NEBL: variants seen among roughly 807,000 people sequenced by gnomAD.
NEBL encodes nebulette.
NEBL carries 122 observed loss-of-function variants against 140.2 expected under a neutral mutation model. That is an observed-to-expected ratio of 0.87 (90% CI 0.75 to 1.01). The LOEUF (loss-of-function observed/expected upper bound fraction) is 1.01, where lower values mean the gene tolerates loss of function less well. NEBL is among the 50% of genes least tolerant of loss of function. The pLI, the probability that NEBL is intolerant of heterozygous loss-of-function variation, is 0.00. For missense variants in NEBL, 1,365 were observed against 1,231.3 expected (o/e 1.11, Z -1.62); for synonymous variants, 436 against 398.9 (o/e 1.09, Z -1.11).
At chr10:21,250,021 G>T (rs908746185) in intron 2 of NEBL, among the ~76,000 whole-genome samples, 1 of 152,158 alleles carries the variant, frequency 6.6e-6, no homozygotes, top group East Asian at 1.9e-4. Context: ...CCAAGATCAC[G>T]CCAGTGCACT....
At chr10:20,858,426 T>C in intron 8 of NEBL, 82 bp from the exon 9 acceptor site, 4 of 1,183,936 alleles carry the variant, frequency 3.4e-6, no homozygotes, top group Non-Finnish European at 4.9e-6. Flanking sequence ...TCATACATCA[T>C]AAAGTAGGAC....
intron 18 of NEBL, among the ~76,000 whole-genome samples, chr10:20,825,663 C>CAA (rs57427509): frequency 6.9e-5 from 9 of 130,188 alleles, no homozygotes; most frequent in East Asian, 2.3e-4. Context: ...GACTCTGTCT[C>CAA]AAAAAAAAAA....
At chr10:21,271,201 C>A (rs559811880) in intron 1 of NEBL, among the ~76,000 whole-genome samples, 14 of 152,246 alleles carry the variant, frequency 9.2e-5, no homozygotes, top group African/African-American at 3.4e-4. Flanking sequence ...CCATTTGCAA[C>A]AACATGAATG....
intron 3 of NEBL, among the ~76,000 whole-genome samples, chr10:21,000,153 A>AGGCAGAGGGG (rs1564475593): frequency 2.3e-5 from 3 of 131,602 alleles, no homozygotes; most frequent in Admixed American, 9.1e-5. Context: ...GGAAAAAGCC[A>AGGCAGAGGGG]GGCAGAGGGG....
At chr10:21,243,209 T>C (rs539621174) in intron 3 of NEBL, among the ~76,000 whole-genome samples, 1 of 151,952 alleles carries the variant, frequency 6.6e-6, no homozygotes, top group Non-Finnish European at 1.5e-5. Flanking sequence ...ATTCAAGATA[T>C]CTAGACCTTT....
At chr10:20,969,350 T>C (rs1836464237) in intron 3 of NEBL, among the ~76,000 whole-genome samples, 1 of 151,946 alleles carries the variant, frequency 6.6e-6, no homozygotes, top group Admixed American at 6.6e-5. Context: ...TCCATAGATT[T>C]CTAAGCTTTC....
chr10:20,889,924 T>C lies in NEBL; in HGVS notation c.179A>G (p.Lys60Arg). 6.2e-7 allele frequency: 1 copy of C among 1,606,912 alleles called. No homozygotes were observed. Among genetic ancestry groups the C allele is most frequent in the South Asian group, 1.1e-5 (1 of 89,982 alleles). ...CACAAATGTACACTTATCCTTGGACTTTTTAAACTCTTCTTTATAACGGAT... is the reference window on the plus strand; with the variant it reads ...CACAAATGTACACTTATCCTTGGACCTTTTAAACTCTTCTTTATAACGGAT... ...SDIRYKEEFK[K>R]SKDKCTFVTD... The change falls in exon 3 of 28, where the codon AAG becomes AGG. Residue 60 changes from lysine to arginine, a missense_variant. Transcript: ENST00000377122.
chr10:21,028,235 C>CAAA (rs1168946872), intron 2 of NEBL, among the ~76,000 whole-genome samples: 117 of 65,932 alleles, frequency 1.8e-3, no homozygotes, highest in Middle Eastern at 0.01. Flanking sequence ...TCAAACATCT[C>CAAA]AAAAAAAAAA....
intron 2 of NEBL, among the ~76,000 whole-genome samples, chr10:21,106,925 G>A (rs188062174): frequency 3.7e-4 from 57 of 152,076 alleles, no homozygotes; most frequent in Non-Finnish European, 5.9e-4. Flanking sequence ...TAAATTCCTC[G>A]GTGTTTTATT....
intron 3 of NEBL, among the ~76,000 whole-genome samples, chr10:21,221,658 C>A (rs759535445): frequency 2.0e-5 from 3 of 152,092 alleles, no homozygotes; most frequent in African/African-American, 4.8e-5. Context: ...GCACATGCCA[C>A]CACACCCAGC....
intron 3 of NEBL, among the ~76,000 whole-genome samples, chr10:21,000,642 A>C (rs549798599): frequency 2.8e-4 from 43 of 152,298 alleles, no homozygotes; most frequent in African/African-American, 9.9e-4. Context: ...GAAACTCTGA[A>C]CATTTTGAGA....
chr10:20,827,443 G>A (rs1289980149), intron 17 of NEBL, among the ~76,000 whole-genome samples: 1 of 152,170 alleles, frequency 6.6e-6, no homozygotes. Flanking sequence ...CAACTAATTA[G>A]GAGGTAGGAA....
At chr10:21,172,966 C>G (rs982590940) in intron 1 of NEBL, among the ~76,000 whole-genome samples, 1 of 152,202 alleles carries the variant, frequency 6.6e-6, no homozygotes. Context: ...AATGCTGGAC[C>G]TCGGACTCTG....
At chr10:20,989,760 C>G (rs1837388738) in intron 3 of NEBL, among the ~76,000 whole-genome samples, 1 of 152,170 alleles carries the variant, frequency 6.6e-6, no homozygotes, top group Non-Finnish European at 1.5e-5. Flanking sequence ...TGGAGGATCA[C>G]ATGCTCAATG....
At chr10:21,138,484 T>A (rs1275607636) in intron 2 of NEBL, among the ~76,000 whole-genome samples, 1 of 152,098 alleles carries the variant, frequency 6.6e-6, no homozygotes, top group Non-Finnish European at 1.5e-5. Flanking sequence ...AATGCACAGC[T>A]ATTAGAGAAA....
At chr10:21,004,677 A>G (rs141374990) in intron 3 of NEBL, among the ~76,000 whole-genome samples, 2,758 of 151,896 alleles carry the variant, frequency 0.018, 75 homozygotes, top group African/African-American at 0.062. Context: ...TCGAGATTGC[A>G]CCACTGCACT....
intron 2 of NEBL, among the ~76,000 whole-genome samples, chr10:21,171,279 G>A (rs1841061464): frequency 6.7e-6 from 1 of 148,664 alleles, no homozygotes. Context: ...TGGTTGCAGT[G>A]AGCCAAGATC....
chr10:21,172,295 G>A (rs1841110803), intron 2 of NEBL: 3 of 1,012,050 alleles, frequency 3.0e-6, no homozygotes, highest in Admixed American at 3.6e-5. Flanking sequence ...GGGTGACACA[G>A]TGAGTCAGTT....
intron 2 of NEBL, among the ~76,000 whole-genome samples, chr10:21,063,192 C>A (rs1031360041): frequency 1.3e-5 from 2 of 152,140 alleles, no homozygotes; most frequent in South Asian, 4.1e-4. Flanking sequence ...TAACCCCATG[C>A]ACACGCAGTT....
Sources: gnomAD v4.1 joint callset for allele counts (sites outside exome capture counted in the v4.1 genomes callset) on GRCh38, gnomAD v4.1.1 for gene constraint, MANE v1.5 for transcripts, NCBI Gene and HGNC (gene_info 2026-07-23, HGNC 2026-07-21) for gene names.